FOXN3: variants seen among roughly 807,000 people sequenced by gnomAD.
FOXN3 encodes the protein forkhead box protein N3.
In FOXN3, 7 loss-of-function variants were observed where a neutral mutation model predicts 38.4. That is an observed-to-expected ratio of 0.18 (90% CI 0.10 to 0.34). FOXN3 has a LOEUF of 0.34. FOXN3 is among the 10% of genes least tolerant of loss of function. The probability of loss-of-function intolerance (pLI) is 1.00; values close to 1 mark genes in which losing one functional copy is unlikely to be tolerated. For synonymous variants in FOXN3, 230 were observed against 242.2 expected (o/e 0.95, Z 0.47); for missense variants, 456 against 613.4 (o/e 0.74, Z 2.71).
chr14:89,523,719 C>T (rs529742543), intron 1 of FOXN3, among the ~76,000 whole-genome samples: 1 of 152,156 alleles, frequency 6.6e-6, no homozygotes, highest in Non-Finnish European at 1.5e-5. Context: ...ATTTAAATAT[C>T]TGTATTCGAA....
chr14:89,243,047 T>G (rs1447147529), intron 4 of FOXN3, among the ~76,000 whole-genome samples: 2 of 152,262 alleles, frequency 1.3e-5, no homozygotes, highest in East Asian at 1.9e-4. Flanking sequence ...GAATGGCCCA[T>G]GCAGGAAGCC....
chr14:89,338,380 G>C (rs1888524885), intron 3 of FOXN3, among the ~76,000 whole-genome samples: 1 of 152,216 alleles, frequency 6.6e-6, no homozygotes, highest in African/African-American at 2.4e-5. Flanking sequence ...GAAGTTTATA[G>C]CACCAGGAGA....
chr14:89,161,662 A>C lies in FOXN3; in HGVS notation c.*752T>G, dbSNP rs1887109706. ...GGAACATTTTCTTAATTTAATAGAG[A>C]ACAGAATTCAATGATTAGCAACATC... On this transcript the variant is annotated 3_prime_UTR_variant, in exon 6 of 6. Coordinates refer to ENST00000557258, the MANE Select transcript of FOXN3 (RefSeq NM_005197.4). 6.6e-6 allele frequency: 1 copy of C among 151,870 alleles called. No homozygotes were observed. Among genetic ancestry groups the C allele is most frequent in the Non-Finnish European group, 1.5e-5 (1 of 68,050 alleles). 9.4% of individuals were successfully genotyped at this position (151,870 alleles called of 1,614,324 possible). A position where few individuals can be genotyped will look rare whatever the true frequency, so the allele number is the denominator to read the frequency against.
chr14:89,272,538 G>A (rs529842557), intron 4 of FOXN3, among the ~76,000 whole-genome samples: 59 of 152,072 alleles, frequency 3.9e-4, no homozygotes, highest in Non-Finnish European at 6.9e-4. Context: ...TTTGGGGTGG[G>A]CAGGAGGGAC....
At chr14:89,238,421 A>G (rs1223644019) in intron 4 of FOXN3, among the ~76,000 whole-genome samples, 2 of 152,232 alleles carry the variant, frequency 1.3e-5, no homozygotes, top group African/African-American at 4.8e-5. Flanking sequence ...TTCAGCTGCC[A>G]TTATCACGGA....
At chr14:89,348,664 TTC>T (rs1491384796) in intron 3 of FOXN3, among the ~76,000 whole-genome samples, 1 of 152,092 alleles carries the variant, frequency 6.6e-6, no homozygotes, top group African/African-American at 2.4e-5. Context: ...CTGGTTTTTT[TTC>T]CCCCCTCAGT....
intron 2 of FOXN3, among the ~76,000 whole-genome samples, chr14:89,395,819 G>T (rs558186632): frequency 1.1e-4 from 17 of 152,088 alleles, no homozygotes; most frequent in South Asian, 1.0e-3. Context: ...AGGCTGGAGG[G>T]GGGGGAGTTT....
At chr14:89,530,242 G>A (rs8004912) in intron 1 of FOXN3, among the ~76,000 whole-genome samples, 4,142 of 152,154 alleles carry the variant, frequency 0.027, 79 homozygotes, top group African/African-American at 0.054. Flanking sequence ...CTGGCCTTGA[G>A]ACCACGTAAT....
In FOXN3 at chr14:89,161,355, A is replaced by G. The variant is rs1007865355; in HGVS notation, c.*1059T>C. On this transcript the variant is annotated 3_prime_UTR_variant, in exon 6 of 6. Coordinates refer to ENST00000557258, the MANE Select transcript of FOXN3 (RefSeq NM_005197.4). The stretch of plus-strand genomic sequence containing the variant: ...CCTTTAATCTTAAAAATACACCACA[A>G]TACTAATGGCAGGTTCCGTAGCTTT... The G allele has an allele frequency of 5.4e-5, 8 of 148,336 alleles. No homozygotes were observed. The highest frequency in any genetic ancestry group is 2.0e-4 in the African/African-American group (8 of 40,422). The allele number at this position is 148,336 out of a possible 1,614,324, so 9.2% of individuals were successfully genotyped here.
intron 4 of FOXN3, among the ~76,000 whole-genome samples, chr14:89,205,690 T>A (rs1473682045): frequency 1.3e-5 from 2 of 151,674 alleles, no homozygotes. Flanking sequence ...AGGCAGAGAG[T>A]CTAACTGAGC....
chr14:89,512,036 A>G (rs1032958915), intron 1 of FOXN3, among the ~76,000 whole-genome samples: 18 of 152,272 alleles, frequency 1.2e-4, no homozygotes, highest in Non-Finnish European at 2.1e-4. Context: ...TTGGGTGGGG[A>G]CGTGGCCAAA....
intron 3 of FOXN3, among the ~76,000 whole-genome samples, chr14:89,310,208 C>A (rs1887494889): frequency 1.3e-5 from 2 of 152,208 alleles, no homozygotes; most frequent in Admixed American, 1.3e-4. Context: ...AGGTCAATGG[C>A]AGTCAGGTCT....
At chr14:89,382,612 T>C (rs1890679256) in intron 2 of FOXN3, among the ~76,000 whole-genome samples, 1 of 152,228 alleles carries the variant, frequency 6.6e-6, no homozygotes. Flanking sequence ...GGTTTGGGAA[T>C]AGGAAGGATC....
intron 4 of FOXN3, among the ~76,000 whole-genome samples, chr14:89,264,710 C>T (rs2139896427): frequency 6.6e-6 from 1 of 152,338 alleles, no homozygotes; most frequent in Middle Eastern, 3.4e-3. Flanking sequence ...AGGAACCTGG[C>T]TATGAGGACG....
chr14:89,367,468 C>A (rs554581094), intron 2 of FOXN3, among the ~76,000 whole-genome samples: 1 of 152,140 alleles, frequency 6.6e-6, no homozygotes, highest in African/African-American at 2.4e-5. Flanking sequence ...ATTCCTCCAG[C>A]GTTCTTGTCA....
At chr14:89,540,140 G>A (rs1278646377) in intron 1 of FOXN3, among the ~76,000 whole-genome samples, 1 of 152,186 alleles carries the variant, frequency 6.6e-6, no homozygotes, top group Non-Finnish European at 1.5e-5. Flanking sequence ...TTGCAGCATG[G>A]TAGTAGAAGG....
In FOXN3 at chr14:89,367,993, C is replaced by T. The variant is rs1258880529; in HGVS notation, c.544-17185G>A. ...AAAAGGTAGGAGCTGCTGACCTCGG[C>T]AGGTGTGTGTCTACCTCAGAAACTG... On this transcript the variant is annotated intron_variant, in intron 2 of 5. Transcript: ENST00000557258. 2.6e-5 allele frequency among the ~76,000 whole-genome samples: 4 copies of T among 152,198 alleles called. No homozygotes were observed. The South Asian group carries it at 6.2e-4, about 24-fold the overall frequency.
At chr14:89,521,358 T>TAGAG (rs199686142) in intron 1 of FOXN3, among the ~76,000 whole-genome samples, 1,984 of 125,030 alleles carry the variant, frequency 0.016, 20 homozygotes, top group Admixed American at 0.028. Flanking sequence ...AGATGATAGA[T>TAGAG]AGAGAGAGAG....
Position 89,177,009 on chromosome 14 carries a change from C to CTT in FOXN3, c.851+3690_851+3691dup, listed in dbSNP as rs34575638. Among the ~76,000 whole-genome samples the CTT allele has an allele frequency of 6.1e-5, 7 of 114,174 alleles. No individual in the cohort carries two copies. The East Asian group carries it at 7.4e-4, about 12-fold the overall frequency. 74.9% of individuals were successfully genotyped at this position (114,174 alleles called of 152,430 possible). A position where few individuals can be genotyped will look rare whatever the true frequency, so the allele number is the denominator to read the frequency against. ...TGGTTATCTCTCTCTCTCTTTCTTT[C>CTT]TTTTTTTTTTTTTTTTTTTTTGACA... is the stretch of plus-strand genomic sequence containing the variant. On this transcript the variant is annotated intron_variant, in intron 5 of 5. Coordinates refer to ENST00000557258, the MANE Select transcript of FOXN3 (RefSeq NM_005197.4).
Sources: gnomAD v4.1 joint callset for allele counts (sites outside exome capture counted in the v4.1 genomes callset) on GRCh38, gnomAD v4.1.1 for gene constraint, MANE v1.5 for transcripts, NCBI Gene and HGNC (gene_info 2026-07-23, HGNC 2026-07-21) for gene names.